Variants in CUX1 observed in about 807,000 individuals in gnomAD.
The protein encoded by CUX1 is cut like homeobox 1.
Under a neutral mutation model 158.8 loss-of-function variants are expected in CUX1, and 31 were observed. That is an observed-to-expected ratio of 0.20 (90% CI 0.15 to 0.26). The LOEUF is 0.26. Among genes scored for constraint, CUX1 ranks in the 10% least tolerant of loss-of-function variants. CUX1 has a pLI of 1.00. For synonymous variants in CUX1, 879 were observed against 862.1 expected (o/e 1.02, Z -0.34); for missense variants, 1,589 against 2,014.6 (o/e 0.79, Z 4.04).
intron 8 of CUX1, among the ~76,000 whole-genome samples, chr7:102,140,541 C>T (rs1427741986): frequency 6.6e-6 from 1 of 151,882 alleles, no homozygotes; most frequent in Non-Finnish European, 1.5e-5. Context: ...CCACTGCACC[C>T]AGCCTCTATG....
intron 1 of CUX1, among the ~76,000 whole-genome samples, chr7:101,867,453 A>G (rs930291881): frequency 2.6e-5 from 4 of 152,158 alleles, no homozygotes; most frequent in Admixed American, 2.6e-4. Flanking sequence ...GGCAGCCACA[A>G]GAGGCACAGG....
intron 1 of CUX1, among the ~76,000 whole-genome samples, chr7:101,821,857 G>GTTTTTTTT (rs58248170): frequency 3.7e-4 from 31 of 83,364 alleles, no homozygotes; most frequent in East Asian, 6.6e-4. Flanking sequence ...TTGTTTTTTT[G>GTTTTTTTT]TTTTTTTTTT....
Position 102,252,836 on chromosome 7 carries a change from C to T in CUX1, c.*3794C>T. On this transcript the variant is annotated 3_prime_UTR_variant, in exon 24 of 24. Transcript: ENST00000292535. ...CTCTCTTTAGAAAGGGTTATCAGAGCCATGGAGCTTAGCTCAATTGGATTC... is the reference window on the plus strand; with the variant it reads ...CTCTCTTTAGAAAGGGTTATCAGAGTCATGGAGCTTAGCTCAATTGGATTC... 1.0e-6 allele frequency: 1 copy of T among 985,460 alleles called. No homozygotes were observed. Among genetic ancestry groups the T allele is most frequent in the South Asian group, 4.7e-5 (1 of 21,290 alleles). 61.0% of individuals were successfully genotyped at this position (985,460 alleles called of 1,614,324 possible). A position where few individuals can be genotyped will look rare whatever the true frequency, so the allele number is the denominator to read the frequency against.
At position 101,995,828 on chromosome 7, in the gene CUX1, C is replaced by T. The variant is rs140732821; in HGVS notation, c.142-32270C>T. Among the ~76,000 whole-genome samples, 10 of 152,174 alleles carry T rather than the reference C, an allele frequency of 6.6e-5. No homozygotes were observed. In the East Asian group the frequency reaches 1.9e-3, roughly 29 times the overall value. ...CTTATTAATATTTACCAAAAAGATG[C>T]AGGACCGGCTGCGGTGGCTCACGAC... is the stretch of plus-strand genomic sequence containing the variant. On this transcript the variant is annotated intron_variant, in intron 2 of 23. Coordinates refer to ENST00000292535, the MANE Select transcript of CUX1 (RefSeq NM_181552.4).
At chr7:101,925,171 C>T (rs1306737119) in intron 2 of CUX1, among the ~76,000 whole-genome samples, 4 of 151,984 alleles carry the variant, frequency 2.6e-5, no homozygotes, top group African/African-American at 7.3e-5. Context: ...TACAGTGGCT[C>T]GATCTCGGCT....
chr7:102,044,378 T>TG (rs1489265558), intron 3 of CUX1, among the ~76,000 whole-genome samples: 9 of 151,464 alleles, frequency 5.9e-5, no homozygotes, highest in African/African-American at 2.2e-4. Context: ...TTAGTAGAGA[T>TG]GGGGTTTCAC....
intron 2 of CUX1, among the ~76,000 whole-genome samples, chr7:101,924,651 A>C (rs1470407057): frequency 6.6e-6 from 1 of 151,448 alleles, no homozygotes; most frequent in Non-Finnish European, 1.5e-5. Flanking sequence ...CTGCAGCCTC[A>C]ACCTCCCAGC....
intron 1 of CUX1, among the ~76,000 whole-genome samples, chr7:101,915,371 A>G (rs908739072): frequency 1.3e-5 from 2 of 152,126 alleles, no homozygotes; most frequent in African/African-American, 4.8e-5. Context: ...TCAGCCCCCT[A>G]GCGGGTCCCT....
In CUX1 at chr7:102,255,577, T is replaced by G. The variant is rs2132693630; in HGVS notation, c.*6535T>G. On this transcript the variant is annotated 3_prime_UTR_variant, in exon 24 of 24. Coordinates refer to ENST00000292535, the MANE Select transcript of CUX1 (RefSeq NM_181552.4). ...ACGTTACTGTAATTTCTGTAGTGTT[T>G]ACGCTTTAATTTCTACCACAAAATA... 1 of 985,424 alleles carries G rather than the reference T, an allele frequency of 1.0e-6. No homozygotes were observed. The highest frequency in any genetic ancestry group is 1.2e-6 in the Non-Finnish European group (1 of 829,922). The allele number at this position is 985,424 out of a possible 1,614,324, so 61.0% of individuals were successfully genotyped here.
At chr7:102,056,773 G>C (rs533580387) in intron 3 of CUX1, among the ~76,000 whole-genome samples, 3 of 152,078 alleles carry the variant, frequency 2.0e-5, no homozygotes, top group Non-Finnish European at 4.4e-5. Context: ...GTTTCACTAT[G>C]TTGGCCAGGC....
At chr7:101,839,969 T>C (rs1795046897) in intron 1 of CUX1, among the ~76,000 whole-genome samples, 1 of 152,140 alleles carries the variant, frequency 6.6e-6, no homozygotes, top group Non-Finnish European at 1.5e-5. Flanking sequence ...ACCATGTTGG[T>C]CAGGCTGATC....
intron 4 of CUX1, among the ~76,000 whole-genome samples, chr7:102,077,104 C>T (rs1288111804): frequency 6.0e-5 from 9 of 151,088 alleles, no homozygotes; most frequent in African/African-American, 1.9e-4. Context: ...ATTTTAGGTG[C>T]GATAAGCAAA....
intron 4 of CUX1, among the ~76,000 whole-genome samples, chr7:102,083,566 G>A (rs901716368): frequency 5.4e-5 from 8 of 147,022 alleles, no homozygotes; most frequent in East Asian, 1.9e-4. Context: ...TTGGCCTCAC[G>A]AAGTGCTGGG....
At chr7:102,132,234 A>G (rs1177546964) in intron 8 of CUX1, among the ~76,000 whole-genome samples, 1 of 151,032 alleles carries the variant, frequency 6.6e-6, no homozygotes, top group Non-Finnish European at 1.5e-5. Context: ...GGACAGACGG[A>G]TGGGCAGATG....
At position 101,910,811 on chromosome 7, in the gene CUX1, A is replaced by G. The variant is rs540673920; in HGVS notation, c.31-5304A>G. On this transcript the variant is annotated intron_variant, in intron 1 of 23. Coordinates refer to ENST00000292535, the MANE Select transcript of CUX1 (RefSeq NM_181552.4). ...GGTGTTATTTAAATACTTATTTGGG[A>G]AAAAAATTTTCCCACTATTTCTGTT... Among the ~76,000 whole-genome samples the G allele has an allele frequency of 2.0e-5, 3 of 151,780 alleles. No homozygotes were observed. The East Asian group carries it at 5.8e-4, about 29-fold the overall frequency.
At chr7:102,062,646 C>A (rs1022097021) in intron 3 of CUX1, among the ~76,000 whole-genome samples, 1 of 152,168 alleles carries the variant, frequency 6.6e-6, no homozygotes, top group African/African-American at 2.4e-5. Context: ...CACAGGCATA[C>A]ACCACCACAC....
rs145417663 is a variant in CUX1 at position 102,084,580 on chromosome 7, G to A, written c.269-12784G>A. On this transcript the variant is annotated intron_variant, in intron 4 of 23. Transcript: ENST00000292535. ...TGGGATTACAGGTGCCCGCCACCAC[G>A]CCTGGCTAATTTTTTTGGATTTTTA... 1.3e-3 allele frequency among the ~76,000 whole-genome samples: 194 copies of A among 144,466 alleles called. 31 individuals carry two copies. The highest frequency in any genetic ancestry group is 2.0e-3 in the South Asian group (9 of 4,460). The allele number at this position is 144,466 out of a possible 152,430, so 94.8% of individuals were successfully genotyped here.
Position 102,266,671 on chromosome 7 carries a change from C to A in CUX1, c.1256-6695C>A, listed in dbSNP as rs142135474. On this transcript the variant is annotated intron_variant, in intron 14 of 22. Coordinates refer to the CUX1 transcript ENST00000292538. ...GCAAGGACCAGTCAAGGAAACAGGG[C>A]AGAGCAGCCAGCCGGGGAAGGAGGC... Among the ~76,000 whole-genome samples the A allele has an allele frequency of 5.6e-3, 859 of 152,094 alleles. 10 individuals carry two copies. The highest frequency in any genetic ancestry group is 0.02 in the African/African-American group (820 of 41,486).
At chr7:102,206,101 G>C (rs1339599674) in intron 20 of CUX1, among the ~76,000 whole-genome samples, 4 of 152,196 alleles carry the variant, frequency 2.6e-5, no homozygotes, top group Non-Finnish European at 4.4e-5. Context: ...CTCCACGAGG[G>C]GGAACATGTG....
Sources: allele counts gnomAD v4.1 joint callset (sites outside exome capture counted in the v4.1 genomes callset), GRCh38; gene constraint gnomAD v4.1.1; transcripts MANE v1.5; gene names NCBI Gene and HGNC (gene_info 2026-07-23, HGNC 2026-07-21).